TMEM74: variants seen among roughly 807,000 people sequenced by gnomAD.
TMEM74 encodes the protein transmembrane protein 74.
In TMEM74, 13 loss-of-function variants were observed where a neutral mutation model predicts 18.1. The observed-to-expected ratio is 0.72, with a 90% CI of 0.47 to 1.14. The LOEUF (loss-of-function observed/expected upper bound fraction) is 1.14, where lower values mean the gene tolerates loss of function less well. TMEM74 is among the 50% of genes most tolerant of loss of function. TMEM74 has a pLI of 0.00. For synonymous variants in TMEM74, 159 were observed against 146.6 expected (o/e 1.08, Z -0.61); for missense variants, 372 against 375.9 (o/e 0.99, Z 0.09).
intron 1 of TMEM74, among the ~76,000 whole-genome samples, chr8:108,723,554 T>C (rs1813606136): frequency 6.6e-6 from 1 of 152,182 alleles, no homozygotes. Context: ...AAATTAATTC[T>C]TCCTGTGACA....
At chr8:108,764,240 GT>G (rs1404163801) in intron 1 of TMEM74, among the ~76,000 whole-genome samples, 1 of 152,158 alleles carries the variant, frequency 6.6e-6, no homozygotes, top group African/African-American at 2.4e-5. Flanking sequence ...GAAAGACTAA[GT>G]TAACAGTGCA....
chr8:108,661,378 CTTTTTTTTTTT>C (rs760545466), intron 1 of TMEM74, among the ~76,000 whole-genome samples: 18 of 86,726 alleles, frequency 2.1e-4, no homozygotes, highest in Admixed American at 2.0e-3. Context: ...CCTTGCAGCT[CTTTTTTTTTTT>C]TTTTTTTTTT....
chr8:108,651,195 C>T (rs1812771519), intron 2 of TMEM74, among the ~76,000 whole-genome samples: 1 of 152,132 alleles, frequency 6.6e-6, no homozygotes, highest in East Asian at 1.9e-4. Context: ...AAAAGTACCA[C>T]TATACTTTGC....
At chr8:108,766,820 A>C (rs78955523) in intron 1 of TMEM74, among the ~76,000 whole-genome samples, 2,736 of 152,280 alleles carry the variant, frequency 0.018, 89 homozygotes, top group African/African-American at 0.062. Flanking sequence ...CCAAAGGCCC[A>C]AAAGCCCCGT....
At chr8:108,680,894 C>A (rs959501487) in intron 1 of TMEM74, among the ~76,000 whole-genome samples, 2 of 152,170 alleles carry the variant, frequency 1.3e-5, no homozygotes, top group Non-Finnish European at 2.9e-5. Flanking sequence ...AGAGCCAAAT[C>A]ATGAGTGAAC....
intron 2 of TMEM74, among the ~76,000 whole-genome samples, chr8:108,612,805 T>C (rs571797819): frequency 2.0e-5 from 3 of 152,308 alleles, no homozygotes; most frequent in South Asian, 2.1e-4. Flanking sequence ...CTTCTTCAAG[T>C]TGAAGAAGAA....
intron 2 of TMEM74, among the ~76,000 whole-genome samples, chr8:108,610,724 T>C (rs1036188285): frequency 2.6e-5 from 4 of 151,916 alleles, no homozygotes; most frequent in Admixed American, 6.6e-5. Context: ...GAGTGGGCCA[T>C]GAAAAGAGCA....
At chr8:108,720,746 A>ATTAGTTTG (rs1442919390) in intron 1 of TMEM74, among the ~76,000 whole-genome samples, 2 of 139,132 alleles carry the variant, frequency 1.4e-5, no homozygotes, top group African/African-American at 5.0e-5. Flanking sequence ...TTATTTATTT[A>ATTAGTTTG]TTTATTTATT....
At chr8:108,665,611 T>C (rs1812942085) in intron 1 of TMEM74, among the ~76,000 whole-genome samples, 1 of 152,114 alleles carries the variant, frequency 6.6e-6, no homozygotes, top group Non-Finnish European at 1.5e-5. Context: ...GAATGGTAAA[T>C]GGAGATGCTT....
chr8:108,746,310 C>T (rs1405566234), intron 1 of TMEM74, among the ~76,000 whole-genome samples: 1 of 152,056 alleles, frequency 6.6e-6, no homozygotes, highest in East Asian at 1.9e-4. Flanking sequence ...GAACTATTGA[C>T]TTGTCTCAAA....
rs77264143 is a variant in TMEM74 at position 108,685,101 on chromosome 8, C to A, written n.120-29664G>T. On this transcript the variant is annotated intron_variant and non_coding_transcript_variant, in intron 1 of 3. Coordinates refer to the TMEM74 transcript ENST00000518838. ...CTTTCTATTTGTTTGTATACTCTCC[C>A]ATTTCTTTGATGAGTGTTTTGTAGT... Among the ~76,000 whole-genome samples the A allele has an allele frequency of 4.8e-3, 726 of 152,010 alleles. 3 individuals carry two copies. Among genetic ancestry groups the A allele is most frequent in the African/African-American group, 0.017 (696 of 41,506 alleles).
At chr8:108,735,451 A>AATC (rs1437186065) in intron 1 of TMEM74, among the ~76,000 whole-genome samples, 1 of 152,158 alleles carries the variant, frequency 6.6e-6, no homozygotes, top group Admixed American at 6.6e-5. Flanking sequence ...ATATGAGTAG[A>AATC]ATCATTTAGT....
Position 108,693,170 on chromosome 8 carries a change from C to T in TMEM74, n.120-37733G>A, listed in dbSNP as rs372337817. ...TTTGTCATAAGAGCTACACATAAGC[C>T]GGTATGGCTGGAGTATTATATAAAA... is the stretch of plus-strand genomic sequence containing the variant. On this transcript the variant is annotated intron_variant and non_coding_transcript_variant, in intron 1 of 3. Coordinates refer to the TMEM74 transcript ENST00000518838. Among the ~76,000 whole-genome samples the T allele has an allele frequency of 8.5e-5, 13 of 152,140 alleles. No individual in the cohort carries two copies. The East Asian group carries it at 1.4e-3, about 16-fold the overall frequency.
Position 108,687,491 on chromosome 8 carries a change from A to T in TMEM74, n.120-32054T>A, listed in dbSNP as rs181443294. Among the ~76,000 whole-genome samples, 13 of 152,178 alleles carry T rather than the reference A, an allele frequency of 8.5e-5. No homozygotes were observed. The East Asian group carries it at 1.2e-3, about 14-fold the overall frequency. ...GGACAGGGTCGAGGATGTTTTCGGG[A>T]TGATTCAAGCACATTACGCTCGTTG... is the stretch of plus-strand genomic sequence containing the variant. On this transcript the variant is annotated intron_variant and non_coding_transcript_variant, in intron 1 of 3. Coordinates refer to the TMEM74 transcript ENST00000518838.
At chr8:108,628,957 C>A (rs1484836428) in intron 2 of TMEM74, among the ~76,000 whole-genome samples, 2 of 151,768 alleles carry the variant, frequency 1.3e-5, no homozygotes, top group African/African-American at 2.4e-5. Flanking sequence ...CTGTTAATAT[C>A]CTTTGCCCAC....
At chr8:108,673,521 T>C (rs1485511695) in intron 1 of TMEM74, among the ~76,000 whole-genome samples, 3 of 152,156 alleles carry the variant, frequency 2.0e-5, no homozygotes, top group Non-Finnish European at 4.4e-5. Flanking sequence ...TCTCTCACGA[T>C]GGCAGGGAAT....
intron 1 of TMEM74, among the ~76,000 whole-genome samples, chr8:108,714,884 A>T (rs760775749): frequency 2.2e-4 from 34 of 152,352 alleles, no homozygotes; most frequent in Non-Finnish European, 4.3e-4. Context: ...AGCAACGTGG[A>T]TGGAGCTGGA....
chr8:108,608,234 G>A (rs1348299977), intron 3 of TMEM74, among the ~76,000 whole-genome samples: 4 of 150,852 alleles, frequency 2.7e-5, no homozygotes, highest in African/African-American at 7.3e-5. Flanking sequence ...CCTGGGAGAC[G>A]GAGGCAGCAG....
intron 2 of TMEM74, among the ~76,000 whole-genome samples, chr8:108,646,502 T>A (rs1293147152): frequency 6.6e-6 from 1 of 152,138 alleles, no homozygotes; most frequent in East Asian, 1.9e-4. Flanking sequence ...CCAATTTGCA[T>A]GGGTGAGTTC....
Sources: gnomAD v4.1 joint callset for allele counts (sites outside exome capture counted in the v4.1 genomes callset) on GRCh38, gnomAD v4.1.1 for gene constraint, MANE v1.5 for transcripts, NCBI Gene and HGNC (gene_info 2026-07-23, HGNC 2026-07-21) for gene names.